The following PSMD14 variants were observed in gnomAD, a reference collection of about 807,000 sequenced individuals.
PSMD14 encodes the protein ubiquitin C-terminal hydrolase PSMD14.
A neutral mutation model predicts 41.2 loss-of-function variants in PSMD14; 7 were observed. The observed-to-expected ratio is 0.17, with a 90% CI of 0.10 to 0.32. The LOEUF (loss-of-function observed/expected upper bound fraction) is 0.32. Ranked by LOEUF, PSMD14 falls within the 10% of genes least tolerant of loss-of-function variation. The pLI, the probability that PSMD14 is intolerant of heterozygous loss-of-function variation, is 1.00. For missense variants in PSMD14, 139 were observed against 375.6 expected, an observed-to-expected ratio of 0.37 and a Z score of 5.21; for synonymous variants, 114 against 122.3, an observed-to-expected ratio of 0.93 and a Z score of 0.45.
chr2:161,314,632 A>G (rs1228521895), intron 1 of PSMD14, among the ~76,000 whole-genome samples: 1 of 152,184 alleles, frequency 6.6e-6, no homozygotes, highest in East Asian at 1.9e-4. Flanking sequence ...ATGGAATCAC[A>G]TAACATGTGA....
chr2:161,333,856 C>T (rs1226248501), intron 3 of PSMD14, among the ~76,000 whole-genome samples: 2 of 151,656 alleles, frequency 1.3e-5, no homozygotes, highest in Non-Finnish European at 2.9e-5. Context: ...CATGGTGAAA[C>T]CCCATCTCTA....
At chr2:161,323,315 G>A (rs576036564) in intron 3 of PSMD14, among the ~76,000 whole-genome samples, 21 of 151,524 alleles carry the variant, frequency 1.4e-4, no homozygotes, top group Non-Finnish European at 8.8e-5. Context: ...TTCTCATTAC[G>A]GTGTCCATTC....
At chr2:161,405,400 T>C (rs1275879197) in intron 10 of PSMD14, among the ~76,000 whole-genome samples, 1 of 152,224 alleles carries the variant, frequency 6.6e-6, no homozygotes, top group African/African-American at 2.4e-5. Context: ...CACTGCATTA[T>C]GATTTGAGAA....
intron 10 of PSMD14, among the ~76,000 whole-genome samples, chr2:161,405,243 A>G (rs1260284145): frequency 6.6e-6 from 1 of 152,064 alleles, no homozygotes; most frequent in Non-Finnish European, 1.5e-5. Flanking sequence ...GTATCACATG[A>G]TGTGTTCCTC....
chr2:161,349,238 C>G (rs1383645083), intron 3 of PSMD14, among the ~76,000 whole-genome samples: 4 of 152,212 alleles, frequency 2.6e-5, no homozygotes, highest in African/African-American at 9.6e-5. Flanking sequence ...TCCCCTTTCT[C>G]TAGCCTCTCA....
chr2:161,370,594 A>ATTTTT (rs1354302526), intron 6 of PSMD14, among the ~76,000 whole-genome samples: 132 of 152,316 alleles, frequency 8.7e-4, no homozygotes, highest in Admixed American at 2.4e-3. Flanking sequence ...AATATTCTAA[A>ATTTTT]GTTTTTTCCT....
At chr2:161,365,813 C>T (rs1028476648) in intron 3 of PSMD14, among the ~76,000 whole-genome samples, 9 of 152,008 alleles carry the variant, frequency 5.9e-5, no homozygotes, top group Admixed American at 2.0e-4. Flanking sequence ...CATTTAAAGT[C>T]GTCTTTTAAC....
intron 10 of PSMD14, among the ~76,000 whole-genome samples, chr2:161,407,172 G>A (rs1169398932): frequency 6.6e-6 from 1 of 152,048 alleles, no homozygotes; most frequent in Non-Finnish European, 1.5e-5. Flanking sequence ...AAAGTTTAGT[G>A]TCACAATTTG....
chr2:161,344,006 T>C (rs563395499), intron 3 of PSMD14, among the ~76,000 whole-genome samples: 1 of 152,248 alleles, frequency 6.6e-6, no homozygotes, highest in African/African-American at 2.4e-5. Context: ...TGAATAGCAT[T>C]TACATTGTAT....
chr2:161,367,350 A>G, intron 3 of PSMD14, 128 bp from the exon 4 acceptor site: 2 of 702,386 alleles, frequency 2.8e-6, no homozygotes, highest in Middle Eastern at 7.9e-4. Context: ...TCATAGCCAA[A>G]TAAAAGGATA....
chr2:161,317,290 C>T (rs1266902877), intron 2 of PSMD14, among the ~76,000 whole-genome samples: 1 of 152,018 alleles, frequency 6.6e-6, no homozygotes, highest in Admixed American at 6.6e-5. Context: ...TGTATTACCA[C>T]GTTTTCTTAT....
chr2:161,370,283 T>C, intron 6 of PSMD14, 106 bp downstream of exon 6: 2 of 855,648 alleles, frequency 2.3e-6, no homozygotes, highest in African/African-American at 3.5e-5. Context: ...AAAGTGGTTA[T>C]GTAATTGACA....
intron 7 of PSMD14, among the ~76,000 whole-genome samples, chr2:161,379,028 G>A (rs1356755120): frequency 1.3e-5 from 2 of 152,030 alleles, no homozygotes; most frequent in African/African-American, 4.8e-5. Context: ...CACAAGCAAT[G>A]TATATAGGTC....
intron 10 of PSMD14, among the ~76,000 whole-genome samples, chr2:161,407,123 T>C (rs908235882): frequency 6.6e-6 from 1 of 152,128 alleles, no homozygotes; most frequent in African/African-American, 2.4e-5. Flanking sequence ...TACAAACTTA[T>C]GTGAATTGTT....
chr2:161,310,138 G>T (rs1242765755), intron 1 of PSMD14, among the ~76,000 whole-genome samples: 1 of 152,158 alleles, frequency 6.6e-6, no homozygotes, highest in Non-Finnish European at 1.5e-5. Flanking sequence ...GCAACAGAGT[G>T]AGACTTTGTC....
chr2:161,366,830 T>C (rs903035202), intron 3 of PSMD14, among the ~76,000 whole-genome samples: 2 of 152,204 alleles, frequency 1.3e-5, no homozygotes, highest in Non-Finnish European at 2.9e-5. Context: ...AGAAACATAG[T>C]GTCTTCCTTA....
chr2:161,315,768 A>G (rs1297587811), intron 1 of PSMD14, among the ~76,000 whole-genome samples: 4 of 151,982 alleles, frequency 2.6e-5, no homozygotes, highest in Admixed American at 2.0e-4. Flanking sequence ...ATAATGTACA[A>G]TTAACCTACA....
At chr2:161,315,675 G>A (rs181952209) in intron 1 of PSMD14, among the ~76,000 whole-genome samples, 1 of 152,048 alleles carries the variant, frequency 6.6e-6, no homozygotes, top group Admixed American at 6.5e-5. Context: ...GACTACTAAT[G>A]CCTCCTAGTA....
intron 3 of PSMD14, among the ~76,000 whole-genome samples, chr2:161,319,216 A>T (rs1452264019): frequency 3.9e-5 from 6 of 152,094 alleles, no homozygotes; most frequent in Non-Finnish European, 5.9e-5. Context: ...TAACACAAGA[A>T]AAAGTAAGCA....
Sources: gnomAD v4.1 joint callset for allele counts (sites outside exome capture counted in the v4.1 genomes callset) on GRCh38, gnomAD v4.1.1 for gene constraint, MANE v1.5 for transcripts, NCBI Gene and HGNC (gene_info 2026-07-23, HGNC 2026-07-21) for gene names.